The following MYO9B variants were observed in gnomAD, a reference collection of about 807,000 sequenced individuals.
The protein encoded by MYO9B is myosin IXB, also known as unconventional myosin-IXb.
Under a neutral mutation model 229.5 loss-of-function variants are expected in MYO9B, and 71 were observed. The ratio of observed to expected loss-of-function variants is 0.31; its 90% CI spans 0.26 to 0.38. The LOEUF is 0.38. MYO9B is among the 10% of genes least tolerant of loss of function. MYO9B has a pLI of 1.00. For missense variants in MYO9B, 2,255 were observed against 2,920.5 expected (o/e 0.77, Z 5.25); for synonymous variants, 1,185 against 1,235.8 (o/e 0.96, Z 0.86).
intron 15 of MYO9B, among the ~76,000 whole-genome samples, chr19:17,182,277 A>G (rs1440146347): frequency 6.6e-6 from 1 of 151,878 alleles, no homozygotes; most frequent in Non-Finnish European, 1.5e-5. Context: ...GAATCTTGCT[A>G]TGTTATAGCC....
rs535217711 is a variant in MYO9B, at chr19:17,102,510, G to A, written c.793G>A (p.Ala265Thr). The change falls in exon 2 of 40, where the codon GCC becomes ACC. Residue 265 changes from alanine (A) to threonine (T), a missense_variant. Ala to Thr is a moderately conservative substitution (Grantham distance 58). Transcript: ENST00000682292. ...CLTALSQKGYASGVERTILGA... is the reference protein window; with the variant it reads ...CLTALSQKGYTSGVERTILGA... ...CACCGCCCTCAGCCAGAAGGGCTAC[G>A]CCAGCGGCGTCGAGAGGACCATCCT... The A allele has an allele frequency of 4.7e-5, 76 of 1,612,214 alleles. 1 individual carries two copies. The highest frequency in any genetic ancestry group is 8.9e-5 in the East Asian group (4 of 44,802).
chr19:17,095,133 G>A lies in MYO9B; in HGVS notation c.-58-6527G>A, dbSNP rs373693819. On this transcript the variant is annotated intron_variant, in intron 1 of 39. Transcript: ENST00000682292. ...GGATGCCTGTAATCCCCTGAGATTG[G>A]AAGGGAGGCTGAGGCAGGAGAATCG... is the stretch of plus-strand genomic sequence containing the variant. Among the ~76,000 whole-genome samples, 10 of 152,238 alleles carry A rather than the reference G, an allele frequency of 6.6e-5. 1 individual carries two copies. Among genetic ancestry groups the A allele is most frequent in the African/African-American group, 1.9e-4 (8 of 41,558 alleles).
intron 10 of MYO9B, among the ~76,000 whole-genome samples, chr19:17,166,091 G>A (rs762625366): frequency 3.3e-5 from 5 of 151,976 alleles, no homozygotes; most frequent in Admixed American, 6.6e-5. Context: ...CATTCAGGCC[G>A]GAGTGCAATG....
intron 17 of MYO9B, among the ~76,000 whole-genome samples, chr19:17,185,647 TCCCCAG>T (rs367961881): frequency 1.3e-5 from 2 of 152,042 alleles, no homozygotes; most frequent in African/African-American, 2.4e-5. Context: ...TGTCTGGTCC[TCCCCAG>T]CCCCAGCCTT....
In MYO9B at chr19:17,198,057, C is replaced by T. The variant is rs1407921002; in HGVS notation, c.4114-127C>T. 3.2e-5 allele frequency: 45 copies of T among 1,415,510 alleles called. No homozygotes were observed. In the East Asian group the frequency reaches 7.1e-4, roughly 22 times the overall value. The allele number at this position is 1,415,510 out of a possible 1,614,324, so 87.7% of individuals were successfully genotyped here. A position where few individuals can be genotyped will look rare whatever the true frequency, so the allele number is the denominator to read the frequency against. On this transcript the variant is annotated intron_variant, in intron 23 of 39. Coordinates refer to ENST00000682292, the MANE Select transcript of MYO9B (RefSeq NM_004145.4). ...AGCCTGGGCAACTAGAGTGAGACTCCGTTTCAAAAAAAAAAAAAGCAGGAA... is the reference window on the plus strand; with the variant it reads ...AGCCTGGGCAACTAGAGTGAGACTCTGTTTCAAAAAAAAAAAAAGCAGGAA...
At position 17,195,011 on chromosome 19, in the gene MYO9B, A is replaced by T. The variant is rs2073025990; in HGVS notation, c.3584A>T (p.Lys1195Met). ...EQGVSLLEDKKESREDETLLV... is the reference protein window; with the variant it reads ...EQGVSLLEDKMESREDETLLV... ...GGGGTGAGTCTCCTGGAAGACAAAA[A>T]GGAGAGCAGAGAAGATGAAACCCTT... The change falls in exon 22 of 40, where the codon AAG (lysine) becomes ATG (methionine). Residue 1195 changes from lysine (K) to methionine (M), a missense_variant. Lys to Met is a moderately conservative substitution (Grantham distance 95). Around this residue, in one of 7 missense-constraint regions of MYO9B, gnomAD observed 679 missense variants for 770.2 expected, o/e 0.88. Coordinates refer to ENST00000682292, the MANE Select transcript of MYO9B (RefSeq NM_004145.4). The surrounding 1 kb of genome is among the most constrained non-coding windows in gnomAD (Gnocchi z 4.5). 1 of 1,613,032 alleles carries T rather than the reference A, an allele frequency of 6.2e-7. No individual in the cohort carries two copies. Among genetic ancestry groups the T allele is most frequent in the African/African-American group, 1.3e-5 (1 of 74,928 alleles).
chr19:17,205,107 C>G (rs1599425501), intron 30 of MYO9B, among the ~76,000 whole-genome samples, 156 bp from the exon 31 acceptor site: 1 of 151,406 alleles, frequency 6.6e-6, no homozygotes, highest in Non-Finnish European at 1.5e-5. Context: ...GCCGAGATCA[C>G]GCCATTGCGC....
rs981836213 is a variant in MYO9B at position 17,212,411 on chromosome 19, A to G, written c.*101A>G. 12 of 1,332,516 alleles carry G rather than the reference A, an allele frequency of 9.0e-6. No individual in the cohort carries two copies. The African/African-American group carries it at 1.8e-4, about 20-fold the overall frequency. The allele number at this position is 1,332,516 out of a possible 1,614,324, so 82.5% of individuals were successfully genotyped here. A position where few individuals can be genotyped will look rare whatever the true frequency, so the allele number is the denominator to read the frequency against. The stretch of plus-strand genomic sequence containing the variant: ...GTGTTCGGCCCTCAGAGAAGGATCC[A>G]GAATCAAAAGCTCAAGAGTGACGTG... On this transcript the variant is annotated 3_prime_UTR_variant, in exon 40 of 40. Coordinates refer to ENST00000682292, the MANE Select transcript of MYO9B (RefSeq NM_004145.4). This position sits in a 1 kb window ranked among gnomAD's most constrained non-coding sequence, Gnocchi z 5.4.
chr19:17,133,765 TTC>T (rs2072231920), intron 2 of MYO9B, among the ~76,000 whole-genome samples: 1 of 139,434 alleles, frequency 7.2e-6, no homozygotes, highest in Admixed American at 7.0e-5. Context: ...ACTTTCCTAC[TTC>T]TTTTTTTTCT....
At chr19:17,118,352 G>A (rs115437943) in intron 2 of MYO9B, among the ~76,000 whole-genome samples, 1,922 of 151,600 alleles carry the variant, frequency 0.013, 58 homozygotes, top group African/African-American at 0.043. Flanking sequence ...CTGTAATCCC[G>A]GCACTTTGGC....
chr19:17,124,511 C>T (rs2057996213), intron 2 of MYO9B, among the ~76,000 whole-genome samples: 1 of 152,102 alleles, frequency 6.6e-6, no homozygotes, highest in Non-Finnish European at 1.5e-5. Context: ...GGGGCTCATG[C>T]CTGTAATCCC....
Position 17,210,389 on chromosome 19 carries a change from G to A in MYO9B, c.5796+9G>A, listed in dbSNP as rs370671545. On this transcript the variant is annotated intron_variant, in intron 37 of 39. Transcript: ENST00000682292. ...CCTATGAGGGGGTCCTGGTATGTAC[G>A]CGTTCGGTGGGCCCGCGGTGCATGT... 32 of 1,588,730 alleles carry A rather than the reference G, an allele frequency of 2.0e-5. No homozygotes were observed. The highest frequency in any genetic ancestry group is 1.7e-4 in the African/African-American group (13 of 74,392).
In MYO9B at chr19:17,154,353, T is replaced by A; in HGVS notation, c.1137T>A (p.His379Gln). Residue 379 changes from histidine to glutamine, a missense_variant, in exon 6 of 40, where the codon CAT (histidine) becomes CAA (glutamine). This residue lies in a region of MYO9B where 386 missense variants were observed against 515.2 expected (regional missense o/e 0.75). Transcript: ENST00000682292. ...LKIEDGEDLK[H>Q]DFERLKQAME... ...TTGAAGATGGGGAGGACCTGAAGCATGACTTTGAGAGGCTCAAGCAGGCCA... is the reference window on the plus strand; with the variant it reads ...TTGAAGATGGGGAGGACCTGAAGCAAGACTTTGAGAGGCTCAAGCAGGCCA... The A allele has an allele frequency of 1.2e-6, 2 of 1,613,200 alleles. No homozygotes were observed. Among genetic ancestry groups the A allele is most frequent in the Non-Finnish European group, 1.7e-6 (2 of 1,179,340 alleles).
intron 14 of MYO9B, among the ~76,000 whole-genome samples, chr19:17,179,917 A>T (rs949340834): frequency 3.0e-4 from 45 of 150,310 alleles, no homozygotes; most frequent in African/African-American, 1.0e-3. Flanking sequence ...AATAAAATAA[A>T]AATAAAAATA....
At chr19:17,129,357 G>A (rs889985547) in intron 2 of MYO9B, among the ~76,000 whole-genome samples, 4 of 152,140 alleles carry the variant, frequency 2.6e-5, no homozygotes, top group Non-Finnish European at 5.9e-5. Flanking sequence ...AGCCAAGATC[G>A]TGCCACTGCA....
chr19:17,174,882 C>T (rs1461469992), intron 13 of MYO9B, among the ~76,000 whole-genome samples: 1 of 151,568 alleles, frequency 6.6e-6, no homozygotes, highest in Non-Finnish European at 1.5e-5. Context: ...TGCAGTGAGC[C>T]AAGATCGCGC....
rs1555695751 is a variant in MYO9B at position 17,126,667 on chromosome 19, C to CT, written c.841-18715dup. Among the ~76,000 whole-genome samples the CT allele has an allele frequency of 7.3e-3, 981 of 135,178 alleles. 7 individuals are homozygous for CT. Among genetic ancestry groups the CT allele is most frequent in the African/African-American group, 0.021 (784 of 36,884 alleles). 88.7% of individuals were successfully genotyped at this position (135,178 alleles called of 152,430 possible). ...AAGAGATCTTTTGACTTTTTTTTTT[C>CT]TTTTTTTTTTTTTTTGAGACGGAGT... On this transcript the variant is annotated intron_variant, in intron 2 of 39. Transcript: ENST00000682292.
chr19:17,202,910 T>A (rs1231661379), intron 29 of MYO9B, 27 bp downstream of exon 29: 1 of 1,593,258 alleles, frequency 6.3e-7, no homozygotes, highest in Admixed American at 1.8e-5. Flanking sequence ...TAGATGAGAG[T>A]CCGAGCAGGC....
intron 17 of MYO9B, among the ~76,000 whole-genome samples, chr19:17,185,638 G>T (rs1443418455): frequency 2.0e-5 from 3 of 152,092 alleles, no homozygotes; most frequent in South Asian, 2.1e-4. Flanking sequence ...GAAAGCGTTT[G>T]TCTGGTCCTC....
Sources: allele counts gnomAD v4.1 joint callset (sites outside exome capture counted in the v4.1 genomes callset), GRCh38; gene constraint gnomAD v4.1.1; regional missense constraint gnomAD v4.1.1; non-coding constraint Gnocchi (gnomAD v3.1); transcripts MANE v1.5; gene names NCBI Gene and HGNC (gene_info 2026-07-23, HGNC 2026-07-21).